The following ITGA8 variants were observed in gnomAD, a reference collection of about 807,000 sequenced individuals.
ITGA8 encodes integrin alpha-8.
A neutral mutation model predicts 142.3 loss-of-function variants in ITGA8; 91 were observed. The observed-to-expected ratio is 0.64, with a 90% CI of 0.54 to 0.76. The LOEUF (loss-of-function observed/expected upper bound fraction) is 0.76. Among genes scored for constraint, ITGA8 ranks in the 30% least tolerant of loss-of-function variants. ITGA8 has a pLI of 0.00. For synonymous variants in ITGA8, 505 were observed against 485.2 expected (o/e 1.04, Z -0.54); for missense variants, 1,406 against 1,327.7 (o/e 1.06, Z -0.92).
chr10:15,544,991 C>T (rs1833641613), intron 27 of ITGA8, among the ~76,000 whole-genome samples: 1 of 152,120 alleles, frequency 6.6e-6, no homozygotes, highest in Non-Finnish European at 1.5e-5. Context: ...ATGACTACAG[C>T]CCCAACTGAC....
chr10:15,574,502 T>G (rs1834246126), intron 24 of ITGA8, among the ~76,000 whole-genome samples: 1 of 152,056 alleles, frequency 6.6e-6, no homozygotes. Context: ...GCGATTCTCC[T>G]CCCTCAGCCT....
Position 15,719,612 on chromosome 10 carries a change from C to T in ITGA8, c.160G>A (p.Gly54Ser). The T allele has an allele frequency of 1.3e-6, 2 of 1,561,974 alleles. No homozygotes were observed. The highest frequency in any genetic ancestry group is 2.0e-5 in the Admixed American group (1 of 50,522). Residue 54 changes from glycine to serine, a missense_variant, in exon 1 of 30, where the codon GGC (glycine) becomes AGC (serine). Physicochemically the swap from Gly to Ser is moderately conservative, Grantham distance 56. Coordinates refer to ENST00000378076, the MANE Select transcript of ITGA8 (RefSeq NM_003638.3). ...TCCACGGCGTAGCCGAAGTAGCTGCCCTTGGGGCCGCTGTACACTGTGAGC... is the reference window on the plus strand; with the variant it reads ...TCCACGGCGTAGCCGAAGTAGCTGCTCTTGGGGCCGCTGTACACTGTGAGC... ...EKLTVYSGPK[G>S]SYFGYAVDFH...
At chr10:15,675,481 G>A (rs1834610274) in intron 6 of ITGA8, among the ~76,000 whole-genome samples, 1 of 152,052 alleles carries the variant, frequency 6.6e-6, no homozygotes, top group South Asian at 2.1e-4. Flanking sequence ...TTTACAGTCA[G>A]TACCACCATC....
intron 27 of ITGA8, among the ~76,000 whole-genome samples, chr10:15,539,276 T>C (rs1216395538): frequency 6.6e-6 from 1 of 152,122 alleles, no homozygotes; most frequent in East Asian, 1.9e-4. Flanking sequence ...TCTCAGTAGA[T>C]GAAATAAAAG....
At chr10:15,530,212 G>C (rs2131540994) in intron 28 of ITGA8, among the ~76,000 whole-genome samples, 1 of 152,298 alleles carries the variant, frequency 6.6e-6, no homozygotes, top group Non-Finnish European at 1.5e-5. Context: ...TTCTGTGATA[G>C]ATGTTTGGGT....
chr10:15,578,641 A>T (rs968458180), intron 23 of ITGA8, among the ~76,000 whole-genome samples: 1 of 152,154 alleles, frequency 6.6e-6, no homozygotes, highest in South Asian at 2.1e-4. Context: ...ATCATTCCCA[A>T]ATAGCAAAGA....
At chr10:15,555,051 T>C (rs1449030579) in intron 26 of ITGA8, among the ~76,000 whole-genome samples, 13 of 152,204 alleles carry the variant, frequency 8.5e-5, no homozygotes, top group Admixed American at 6.5e-5. Context: ...TACCGTGAAT[T>C]ATTTCAGTTT....
At chr10:15,575,748 G>A (rs1377767322) in intron 23 of ITGA8, among the ~76,000 whole-genome samples, 154 bp from the exon 24 acceptor site, 1 of 152,204 alleles carries the variant, frequency 6.6e-6, no homozygotes, top group Non-Finnish European at 1.5e-5. Flanking sequence ...GTGATGTACA[G>A]TAGAATGACT....
chr10:15,530,651 A>G (rs910306906), intron 28 of ITGA8, among the ~76,000 whole-genome samples: 5 of 152,082 alleles, frequency 3.3e-5, no homozygotes, highest in African/African-American at 1.2e-4. Flanking sequence ...AGAAAAAATG[A>G]CTGTCCAAAG....
chr10:15,561,404 GT>G (rs1016913948), intron 25 of ITGA8, among the ~76,000 whole-genome samples: 2 of 151,630 alleles, frequency 1.3e-5, no homozygotes, highest in African/African-American at 4.8e-5. Context: ...AGCATTTAGC[GT>G]TCTTAACATA....
intron 2 of ITGA8, among the ~76,000 whole-genome samples, chr10:15,712,413 C>G (rs902308452): frequency 6.6e-6 from 1 of 152,040 alleles, no homozygotes; most frequent in African/African-American, 2.4e-5. Flanking sequence ...GAAACCCTGT[C>G]TCTACTGAAA....
At chr10:15,618,396 A>C (rs1169306370) in intron 13 of ITGA8, among the ~76,000 whole-genome samples, 2 of 152,220 alleles carry the variant, frequency 1.3e-5, no homozygotes, top group Admixed American at 1.3e-4. Flanking sequence ...CATATGGAAA[A>C]CTAAGTCAGG....
chr10:15,531,206 T>C lies in ITGA8; in HGVS notation c.2881-55A>G, dbSNP rs9333240. The C allele has an allele frequency of 0.2, 176,749 of 897,212 alleles. 17,883 individuals carry two copies. The highest frequency in any genetic ancestry group is 0.21 in the Admixed American group (6,643 of 31,012). 55.6% of individuals were successfully genotyped at this position (897,212 alleles called of 1,614,324 possible). ...TTTCATATAAAGTTTTTAAGAGTTA[T>C]ACTGGCAGCCACCTAATTATTTTTG... On this transcript the variant is annotated intron_variant, in intron 27 of 29. Transcript: ENST00000378076.
At chr10:15,661,337 TC>T (rs1034681057) in intron 8 of ITGA8, among the ~76,000 whole-genome samples, 1 of 152,174 alleles carries the variant, frequency 6.6e-6, no homozygotes, top group African/African-American at 2.4e-5. Flanking sequence ...TGAAACAGTT[TC>T]ATCCCAAAAC....
In ITGA8 at chr10:15,592,290, G is replaced by T. The variant is rs1382123354; in HGVS notation, c.2226C>A (p.Leu742=). The part of the protein sequence containing the change: ...MVSGTNYSLG[L]RFAVPRLEKT... ...TCTCAAGACGTGGAACTGCAAATCGGAGGCCCAGGGAATACTAAAAAATAA... is the reference window on the plus strand; with the variant it reads ...TCTCAAGACGTGGAACTGCAAATCGTAGGCCCAGGGAATACTAAAAAATAA... Residue 742 remains leucine (L), a synonymous_variant, in exon 22 of 30, where the codon CTC becomes CTA. Coordinates refer to ENST00000378076, the MANE Select transcript of ITGA8 (RefSeq NM_003638.3). 18 of 1,612,344 alleles carry T rather than the reference G, an allele frequency of 1.1e-5. No individual in the cohort carries two copies. In the South Asian group the frequency reaches 2.0e-4, roughly 18 times the overall value.
intron 26 of ITGA8, among the ~76,000 whole-genome samples, chr10:15,549,015 T>C (rs1020685639): frequency 2.0e-5 from 3 of 152,062 alleles, no homozygotes; most frequent in African/African-American, 7.2e-5. Context: ...CTAAATTATT[T>C]CCTGGTTATA....
At position 15,613,758 on chromosome 10, in the gene ITGA8, C is replaced by T. The variant is rs200613964; in HGVS notation, c.1455G>A (p.Pro485=). ...TGKVAVYRAR[P]VVTVDAQLLL... ...GAAGCTGGGCATCTACAGTCACAAC[C>T]GGTCTTGCTCTGCGGGGAGAAAATG... Residue 485 remains proline, a synonymous_variant, in exon 15 of 30, where the codon CCG becomes CCA. Transcript: ENST00000378076. 446 of 1,612,626 alleles carry T rather than the reference C, an allele frequency of 2.8e-4. 4 individuals are homozygous for T. The South Asian group carries it at 2.8e-3, about 10-fold the overall frequency.
At chr10:15,625,381 G>A (rs926324900) in intron 13 of ITGA8, among the ~76,000 whole-genome samples, 5 of 152,138 alleles carry the variant, frequency 3.3e-5, no homozygotes, top group Non-Finnish European at 5.9e-5. Flanking sequence ...GTTGTATTTC[G>A]TGTCACCGTA....
intron 24 of ITGA8, among the ~76,000 whole-genome samples, 186 bp downstream of exon 24, chr10:15,575,303 T>C (rs756556544): frequency 1.3e-5 from 2 of 152,090 alleles, no homozygotes; most frequent in Non-Finnish European, 2.9e-5. Flanking sequence ...GATGGGAGGA[T>C]TGTTTGAGCC....
Sources: gnomAD v4.1 joint callset for allele counts (sites outside exome capture counted in the v4.1 genomes callset) on GRCh38, gnomAD v4.1.1 for gene constraint, MANE v1.5 for transcripts, NCBI Gene and HGNC (gene_info 2026-07-23, HGNC 2026-07-21) for gene names.